NQO2: variants seen among roughly 807,000 people sequenced by gnomAD.
NQO2 encodes ribosyldihydronicotinamide dehydrogenase [quinone].
Under a neutral mutation model 22.0 loss-of-function variants are expected in NQO2, and 18 were observed. The observed-to-expected ratio is 0.82, with a 90% CI of 0.56 to 1.21. The LOEUF (loss-of-function observed/expected upper bound fraction) is 1.21. Ranked by LOEUF, NQO2 falls within the 50% of genes most tolerant of loss-of-function variation. The probability of loss-of-function intolerance (pLI) is 0.00; values close to 1 mark genes in which losing one functional copy is unlikely to be tolerated. For synonymous variants in NQO2, 106 were observed against 110.8 expected (o/e 0.96, Z 0.28); for missense variants, 267 against 286.9 (o/e 0.93, Z 0.50).
At position 3,010,141 on chromosome 6, in the gene NQO2, T is replaced by G; in HGVS notation, c.124T>G (p.Leu42Val). 6.2e-7 allele frequency: 1 copy of G among 1,613,974 alleles called. No homozygotes were observed. The highest frequency in any genetic ancestry group is 8.5e-7 in the Non-Finnish European group (1 of 1,179,932). ...RQGCTVTVSD[L>V]YAMNLEPRAT... ...GGGCTGCACCGTCACAGTGTCTGAT[T>G]TGTATGCCATGAACCTTGAGCCGAG... Residue 42 changes from leucine to valine, a missense_variant, in exon 3 of 7, where the codon TTG becomes GTG. Transcript: ENST00000380455.
intron 2 of NQO2, among the ~76,000 whole-genome samples, chr6:3,009,653 T>C (rs931686779): frequency 1.3e-5 from 2 of 152,202 alleles, no homozygotes; most frequent in African/African-American, 4.8e-5. Context: ...AACTAATAAA[T>C]GTCCACGAAA....
rs1240898046 is a variant in NQO2 at position 3,006,536 on chromosome 6, A to G, written c.-17A>G. The G allele has an allele frequency of 6.2e-7, 1 of 1,612,266 alleles. No individual in the cohort carries two copies. ...CCACCCATCAAATCAGAGAGAAGGA[A>G]TCCACCTTCTTACGCTATGGCAGGT... On this transcript the variant is annotated 5_prime_UTR_variant, in exon 2 of 7. Transcript: ENST00000380455. This position sits in a 1 kb window ranked among gnomAD's most constrained non-coding sequence, Gnocchi z 4.0.
intron 2 of NQO2, among the ~76,000 whole-genome samples, chr6:3,008,777 G>A (rs1011369413): frequency 2.0e-5 from 3 of 152,174 alleles, no homozygotes; most frequent in Admixed American, 1.3e-4. Context: ...GTCCAGGGGA[G>A]ACATCACATG....
rs771724711 is a variant in NQO2 at position 3,010,006 on chromosome 6, G to C, written c.8-19G>C. On this transcript the variant is annotated intron_variant, in intron 2 of 6. Coordinates refer to ENST00000380455, the MANE Select transcript of NQO2 (RefSeq NM_000904.6). ...GAGAGGTTGTTCTTCAAGAGGAACT[G>C]TTTCTTATCCTGATTTAGGTAAGAA... 1.9e-6 allele frequency: 3 copies of C among 1,598,466 alleles called. No homozygotes were observed. The highest frequency in any genetic ancestry group is 4.5e-5 in the East Asian group (2 of 44,618).
intron 6 of NQO2, 86 bp from the exon 7 acceptor site, chr6:3,019,393 A>C: frequency 1.4e-6 from 2 of 1,479,912 alleles, no homozygotes; most frequent in Non-Finnish European, 1.8e-6. Flanking sequence ...TTTGTTTCAC[A>C]CCATTTCCCC....
intron 1 of NQO2, among the ~76,000 whole-genome samples, chr6:3,003,037 C>T (rs1161808833): frequency 6.6e-6 from 1 of 152,164 alleles, no homozygotes; most frequent in Non-Finnish European, 1.5e-5. Flanking sequence ...CTTCTGCTTC[C>T]CTGGGCTTTG....
At position 3,012,946 on chromosome 6, in the gene NQO2, C is replaced by CTT. The variant is rs751626888; in HGVS notation, c.303+298_303+299dup. Among the ~76,000 whole-genome samples, 22 of 60,722 alleles carry CTT rather than the reference C, an allele frequency of 3.6e-4. 4 individuals carry two copies. The highest frequency in any genetic ancestry group is 1.3e-3 in the East Asian group (3 of 2,380). 39.8% of individuals were successfully genotyped at this position (60,722 alleles called of 152,430 possible). ...AACACTGTACGTAGATGTAACACTA[C>CTT]TTTTTTTTTTTTTTTTTTTTTTTTT... On this transcript the variant is annotated intron_variant, in intron 4 of 6. Coordinates refer to ENST00000380455, the MANE Select transcript of NQO2 (RefSeq NM_000904.6).
rs185879449 is a variant in NQO2, at chr6:3,008,536, G to A, written c.8-1489G>A. 4.8e-3 allele frequency among the ~76,000 whole-genome samples: 725 copies of A among 152,310 alleles called. 12 individuals are homozygous for A. The highest frequency in any genetic ancestry group is 0.016 in the African/African-American group (664 of 41,554). On this transcript the variant is annotated intron_variant, in intron 2 of 6. Coordinates refer to ENST00000380455, the MANE Select transcript of NQO2 (RefSeq NM_000904.6). ...AGGCCAAGGCGGGTGGATCACTTGA[G>A]GCCAGGAGTTCAAGACCAGCCTGGC... is the stretch of plus-strand genomic sequence containing the variant.
At chr6:3,012,732 C>A in intron 4 of NQO2, 58 bp downstream of exon 4, 1 of 1,539,208 alleles carries the variant, frequency 6.5e-7, no homozygotes, top group Non-Finnish European at 8.9e-7. Context: ...CAAACTCTTT[C>A]TGAATATTGA....
chr6:3,013,230 C>T (rs915730414), intron 4 of NQO2, among the ~76,000 whole-genome samples: 3 of 152,126 alleles, frequency 2.0e-5, no homozygotes, highest in Admixed American at 2.0e-4. Context: ...GCTGGGATTA[C>T]AGGCGTGAGC....
At chr6:3,010,419 A>T in intron 3 of NQO2, among the ~76,000 whole-genome samples, 1 of 151,798 alleles carries the variant, frequency 6.6e-6, no homozygotes, top group Admixed American at 6.6e-5. Context: ...GCAGACGGTA[A>T]GAGATTGGAC....
chr6:3,006,480 G>T lies in NQO2; in HGVS notation c.-73G>T, dbSNP rs1345582928. On this transcript the variant is annotated 5_prime_UTR_variant, in exon 2 of 7. Transcript: ENST00000380455. The surrounding 1 kb of genome is among the most constrained non-coding windows in gnomAD (Gnocchi z 4.0). ...TTTTGTCTTCCAGATTGCTGGACTC[G>T]CTGAAGAGAGACTACGCAGGAAAGC... The T allele has an allele frequency of 1.2e-6, 2 of 1,610,554 alleles. No homozygotes were observed. The highest frequency in any genetic ancestry group is 1.7e-6 in the Non-Finnish European group (2 of 1,178,540).
chr6:3,015,436 G>T, intron 4 of NQO2, 94 bp from the exon 5 acceptor site: 1 of 1,508,250 alleles, frequency 6.6e-7, no homozygotes, highest in Non-Finnish European at 8.8e-7. Flanking sequence ...GAAGAGGAGG[G>T]CTGTGGGCTT....
intron 6 of NQO2, among the ~76,000 whole-genome samples, chr6:3,017,908 G>C (rs1039129731): frequency 1.2e-4 from 18 of 152,058 alleles, no homozygotes; most frequent in African/African-American, 4.4e-4. Flanking sequence ...ATGTCCTATT[G>C]GTTTGGTATT....
intron 1 of NQO2, among the ~76,000 whole-genome samples, chr6:3,000,688 C>G (rs1756656820): frequency 6.6e-6 from 1 of 151,868 alleles, no homozygotes; most frequent in South Asian, 2.1e-4. Context: ...ATTATAGGGG[C>G]GTGCCACCAC....
intron 4 of NQO2, among the ~76,000 whole-genome samples, chr6:3,013,465 CCACATTTATCTG>C (rs1757218343): frequency 6.6e-6 from 1 of 152,182 alleles, no homozygotes; most frequent in African/African-American, 2.4e-5. Flanking sequence ...TGCTTGAGAA[CCACATTTATCTG>C]CACAAATGTT....
chr6:3,008,412 CAAAAAAAA>C (rs543349139), intron 2 of NQO2, among the ~76,000 whole-genome samples: 2 of 83,560 alleles, frequency 2.4e-5, no homozygotes, highest in East Asian at 3.9e-4. Context: ...AACTCTGTTT[CAAAAAAAA>C]AAAAAAAGAA....
intron 6 of NQO2, among the ~76,000 whole-genome samples, chr6:3,018,361 C>T (rs10223755): frequency 0.021 from 3,147 of 152,120 alleles, 112 homozygotes; most frequent in African/African-American, 0.072. Flanking sequence ...AAAAATTAGC[C>T]GAGTGTGGTG....
At chr6:3,015,451 C>T in intron 4 of NQO2, 79 bp from the exon 5 acceptor site, 1 of 1,537,422 alleles carries the variant, frequency 6.5e-7, no homozygotes, top group Non-Finnish European at 8.7e-7. Flanking sequence ...GGGCTTCATT[C>T]CGAATCACCA....
Sources: gnomAD v4.1 joint callset for allele counts (sites outside exome capture counted in the v4.1 genomes callset) on GRCh38, gnomAD v4.1.1 for gene constraint, Gnocchi (gnomAD v3.1) non-coding constraint, MANE v1.5 for transcripts, NCBI Gene and HGNC (gene_info 2026-07-23, HGNC 2026-07-21) for gene names.